SLC37A1: variants seen among roughly 807,000 people sequenced by gnomAD.
The protein encoded by SLC37A1 is solute carrier family 37 member 1, also known as glucose-6-phosphate exchanger SLC37A1.
SLC37A1 carries 49 observed loss-of-function variants against 75.3 expected under a neutral mutation model. The ratio of observed to expected loss-of-function variants is 0.65; its 90% CI spans 0.52 to 0.83. SLC37A1 has a LOEUF of 0.83. Ranked by LOEUF, SLC37A1 falls within the 40% of genes least tolerant of loss-of-function variation. SLC37A1 has a pLI of 0.00. For synonymous variants in SLC37A1, 268 were observed against 292.1 expected, an observed-to-expected ratio of 0.92 and a Z score of 0.84; for missense variants, 566 against 695.0, an observed-to-expected ratio of 0.81 and a Z score of 2.09.
rs1024933437 is a variant in SLC37A1, at chr21:42,545,072, C to T, written c.730+1470C>T. ...CACGGCCCTATGTTGATGTTTGTCT[C>T]TGTAAGCAGAGAGAGCTCAGCTCTT... On this transcript the variant is annotated intron_variant, in intron 8 of 19. Transcript: ENST00000352133. This position sits in a 1 kb window ranked among gnomAD's most constrained non-coding sequence, Gnocchi z 4.0. 1.3e-5 allele frequency among the ~76,000 whole-genome samples: 2 copies of T among 152,236 alleles called. No homozygotes were observed. The highest frequency in any genetic ancestry group is 4.8e-5 in the African/African-American group (2 of 41,460).
rs548286134 is a variant in SLC37A1 at position 42,520,258 on chromosome 21, A to G, written c.56+1748A>G. Reference sequence around the variant, plus strand: ...TCTGTTCAGGATCTAGTTCGGGTTCATACATTGCGTTTAATTATCCTATGG... The same window carrying G: ...TCTGTTCAGGATCTAGTTCGGGTTCGTACATTGCGTTTAATTATCCTATGG... On this transcript the variant is annotated intron_variant, in intron 2 of 19. Transcript: ENST00000352133. 6.0e-4 allele frequency among the ~76,000 whole-genome samples: 92 copies of G among 152,350 alleles called. 2 individuals are homozygous for G. In the South Asian group the frequency reaches 8.3e-3, roughly 14 times the overall value.
At chr21:42,528,905 T>C (rs1242306103) in intron 3 of SLC37A1, among the ~76,000 whole-genome samples, 1 of 152,182 alleles carries the variant, frequency 6.6e-6, no homozygotes, top group Non-Finnish European at 1.5e-5. Context: ...GTACTATGGG[T>C]GGGAAACTTG....
chr21:42,538,472 G>A (rs946611399), intron 5 of SLC37A1, among the ~76,000 whole-genome samples: 2 of 152,174 alleles, frequency 1.3e-5, no homozygotes, highest in African/African-American at 2.4e-5. Flanking sequence ...GCTGACTCCC[G>A]GAGTGGGGTT....
At position 42,520,350 on chromosome 21, in the gene SLC37A1, CCTT is replaced by C. The variant is rs892699704; in HGVS notation, c.56+1849_56+1851del. 4.6e-5 allele frequency among the ~76,000 whole-genome samples: 7 copies of C among 152,020 alleles called. No individual in the cohort carries two copies. In the East Asian group the frequency reaches 7.7e-4, roughly 17 times the overall value. ...ATCTTTTCTGACCTTGGCTTTTTTT[CCTT>C]CTTCTTCTGAGACAATGGCCTTGTT... On this transcript the variant is annotated intron_variant, in intron 2 of 19. Transcript: ENST00000352133.
intron 1 of SLC37A1, 117 bp from the exon 2 acceptor site, chr21:42,518,160 G>T: frequency 2.5e-6 from 1 of 407,092 alleles, no homozygotes; most frequent in Non-Finnish European, 4.6e-6. Context: ...TATCAGACGT[G>T]CAGCTTTGAT....
intron 3 of SLC37A1, 187 bp downstream of exon 3, chr21:42,526,044 G>T: frequency 1.1e-5 from 6 of 531,024 alleles, no homozygotes; most frequent in East Asian, 3.0e-5. Context: ...ATGTTTTTTG[G>T]ATTTATACTT....
intron 12 of SLC37A1, among the ~76,000 whole-genome samples, chr21:42,563,380 A>T (rs964609285): frequency 2.6e-5 from 4 of 152,198 alleles, no homozygotes; most frequent in Non-Finnish European, 5.9e-5. Context: ...CGGCTGGCTC[A>T]GTCCACCTTA....
chr21:42,564,887 C>T, intron 14 of SLC37A1, 94 bp downstream of exon 14: 1 of 1,229,126 alleles, frequency 8.1e-7, no homozygotes, highest in Admixed American at 2.0e-5. Flanking sequence ...GGCCCGTGCT[C>T]CACTTTCCTG....
intron 18 of SLC37A1, chr21:42,575,946 A>G: frequency 1.6e-5 from 16 of 985,280 alleles, no homozygotes; most frequent in Non-Finnish European, 1.9e-5. Context: ...TCCTGTCATT[A>G]CAACTGTTCA....
In SLC37A1 at chr21:42,562,185, G is replaced by A; in HGVS notation, c.1072+17G>A. ...CGAATGTGGGTGAGTATCCACGCTA[G>A]AACACATTAAATTCCGCACAGTGAC... On this transcript the variant is annotated intron_variant, in intron 12 of 19. Transcript: ENST00000352133. The A allele has an allele frequency of 6.2e-7, 1 of 1,609,858 alleles. No homozygotes were observed. Among genetic ancestry groups the A allele is most frequent in the Non-Finnish European group, 8.5e-7 (1 of 1,176,178 alleles).
chr21:42,551,981 T>G (rs911866607), intron 9 of SLC37A1, among the ~76,000 whole-genome samples: 2 of 152,244 alleles, frequency 1.3e-5, no homozygotes, highest in African/African-American at 4.8e-5. Flanking sequence ...CTGTATCTCC[T>G]GTAAACTGGA....
intron 10 of SLC37A1, among the ~76,000 whole-genome samples, chr21:42,554,619 G>A (rs1216595195): frequency 1.3e-5 from 2 of 150,746 alleles, no homozygotes; most frequent in East Asian, 1.9e-4. Context: ...GGCTGGCCAC[G>A]TGAGGTGCAC....
At chr21:42,575,501 T>G in intron 18 of SLC37A1, 2 of 985,470 alleles carry the variant, frequency 2.0e-6, no homozygotes, top group Non-Finnish European at 2.4e-6. Context: ...CTCCTGCTTC[T>G]GTGCCCTCCT....
At chr21:42,537,347 C>T (rs1448644150) in intron 5 of SLC37A1, among the ~76,000 whole-genome samples, 1 of 152,216 alleles carries the variant, frequency 6.6e-6, no homozygotes, top group Admixed American at 6.5e-5. Context: ...GCTGCCAGAC[C>T]TTCTCCACTT....
intron 1 of SLC37A1, among the ~76,000 whole-genome samples, chr21:42,517,172 A>G (rs2054536826): frequency 6.6e-6 from 1 of 152,240 alleles, no homozygotes; most frequent in Admixed American, 6.5e-5. Context: ...CCACTTATCA[A>G]GTGCTTCCCA....
In SLC37A1 at chr21:42,579,757, A is replaced by G. The variant is rs757069546; in HGVS notation, c.1543A>G (p.Lys515Glu). The change falls in exon 19 of 20, where the codon AAG becomes GAG. Residue 515 changes from lysine (K) to glutamate (E), a missense_variant. Coordinates refer to ENST00000352133, the MANE Select transcript of SLC37A1 (RefSeq NM_001320537.2). The stretch of plus-strand genomic sequence containing the variant: ...GCAGTTCCTGATCCGCCTCATACAC[A>G]AGGAGCTGAGCTGCCCAGGGTCAGC... ...ALLFLIRLIH[K>E]ELSCPGSATG... 6.2e-7 allele frequency: 1 copy of G among 1,614,086 alleles called. No homozygotes were observed. The highest frequency in any genetic ancestry group is 8.5e-7 in the Non-Finnish European group (1 of 1,180,000).
At chr21:42,521,983 G>T (rs1203518740) in intron 2 of SLC37A1, among the ~76,000 whole-genome samples, 1 of 152,184 alleles carries the variant, frequency 6.6e-6, no homozygotes. Flanking sequence ...AGGCTCCGGG[G>T]ACAGACCCTT....
chr21:42,553,985 C>T, intron 9 of SLC37A1, 77 bp from the exon 10 acceptor site: 1 of 1,226,342 alleles, frequency 8.2e-7, no homozygotes, highest in Non-Finnish European at 1.1e-6. Flanking sequence ...TAGTAAGTAT[C>T]CTTGCTACAG....
Position 42,557,744 on chromosome 21 carries a change from A to G in SLC37A1, c.850-1214A>G, listed in dbSNP as rs531874577. Among the ~76,000 whole-genome samples the G allele has an allele frequency of 2.0e-5, 3 of 152,030 alleles. No homozygotes were observed. The South Asian group carries it at 6.2e-4, about 32-fold the overall frequency. On this transcript the variant is annotated intron_variant, in intron 10 of 19. Coordinates refer to ENST00000352133, the MANE Select transcript of SLC37A1 (RefSeq NM_001320537.2). ...TGGAAGAGAATTCTAAATATTCTAA[A>G]TATCAAGGGGCAGGGGAATGTGGAA... is the stretch of plus-strand genomic sequence containing the variant.
Sources: allele counts gnomAD v4.1 joint callset (sites outside exome capture counted in the v4.1 genomes callset), GRCh38; gene constraint gnomAD v4.1.1; non-coding constraint Gnocchi (gnomAD v3.1); transcripts MANE v1.5; gene names NCBI Gene and HGNC (gene_info 2026-07-23, HGNC 2026-07-21).